Variants in CKLF observed in about 807,000 individuals in gnomAD.
The protein encoded by CKLF is chemokine like factor, also known as chemokine-like factor.
Under a neutral mutation model 12.9 loss-of-function variants are expected in CKLF, and 16 were observed. That is an observed-to-expected ratio of 1.24 (90% CI 0.84 to 1.88). The LOEUF is 1.88. Ranked by LOEUF, CKLF falls within the 40% of genes most tolerant of loss-of-function variation. CKLF has a pLI of 0.00. For synonymous variants in CKLF, 61 were observed against 69.0 expected (o/e 0.88, Z 0.57); for missense variants, 172 against 188.5 (o/e 0.91, Z 0.51).
chr16:66,563,332 CCA>C, intron 3 of CKLF, 115 bp downstream of exon 3: 1 of 1,237,852 alleles, frequency 8.1e-7, no homozygotes, highest in Non-Finnish European at 1.1e-6. Context: ...GATTCCTAGG[CCA>C]ATATACAATG....
At position 66,552,810 on chromosome 16, in the gene CKLF, G is replaced by C. The variant is rs2144510550; in HGVS notation, c.78+17G>C. 1 of 1,613,862 alleles carries C rather than the reference G, an allele frequency of 6.2e-7. No individual in the cohort carries two copies. The highest frequency in any genetic ancestry group is 1.1e-5 in the South Asian group (1 of 91,074). Reference sequence around the variant, plus strand: ...CTGCGGCTGGTGAGGCCGGGCCGCGGAGGGCGGGAGGCTGATGAAGCTGCT... The same window carrying C: ...CTGCGGCTGGTGAGGCCGGGCCGCGCAGGGCGGGAGGCTGATGAAGCTGCT... On this transcript the variant is annotated intron_variant, in intron 1 of 3. Transcript: ENST00000264001.
At chr16:66,563,099 T>G in intron 2 of CKLF, 23 bp from the exon 3 acceptor site, 1 of 1,613,256 alleles carries the variant, frequency 6.2e-7, no homozygotes. Context: ...CATGTAAGGC[T>G]CAGCTTTATT....
chr16:66,561,549 C>G (rs1045169218), intron 2 of CKLF, among the ~76,000 whole-genome samples: 5 of 152,122 alleles, frequency 3.3e-5, no homozygotes, highest in African/African-American at 7.2e-5. Flanking sequence ...TCTATAAACC[C>G]TTGCCCAGAT....
intron 1 of CKLF, 54 bp from the exon 2 acceptor site, chr16:66,558,136 G>A (rs2011519070): frequency 6.3e-7 from 1 of 1,589,578 alleles, no homozygotes; most frequent in African/African-American, 1.4e-5. Flanking sequence ...CATTTTTACA[G>A]TTTAAATTTG....
Position 66,564,670 on chromosome 16 carries a change from C to A in CKLF, c.334-1216C>A, listed in dbSNP as rs1331734508. On this transcript the variant is annotated intron_variant, in intron 3 of 3. Transcript: ENST00000264001. The stretch of plus-strand genomic sequence containing the variant: ...TATTTTTAGTAGAGACGGAGTTTCA[C>A]CGTGTTAACAAGGATGGTCTCGATC... Among the ~76,000 whole-genome samples, 3 of 152,124 alleles carry A rather than the reference C, an allele frequency of 2.0e-5. No individual in the cohort carries two copies. The South Asian group carries it at 6.2e-4, about 32-fold the overall frequency.
chr16:66,556,084 A>G (rs2011440351), intron 1 of CKLF, among the ~76,000 whole-genome samples: 1 of 152,182 alleles, frequency 6.6e-6, no homozygotes, highest in Non-Finnish European at 1.5e-5. Context: ...CCTGGGTTAG[A>G]GACCCAGACT....
At chr16:66,560,626 T>G (rs2011640339) in intron 2 of CKLF, among the ~76,000 whole-genome samples, 1 of 151,980 alleles carries the variant, frequency 6.6e-6, no homozygotes, top group Admixed American at 6.6e-5. Context: ...CTGGCCACAA[T>G]AGCTCAGAGA....
chr16:66,558,853 C>T (rs899731828), intron 2 of CKLF, among the ~76,000 whole-genome samples: 3 of 152,160 alleles, frequency 2.0e-5, no homozygotes, highest in African/African-American at 7.2e-5. Context: ...ATAATGTTGG[C>T]ACCTCTTATA....
chr16:66,560,927 G>T (rs907586950), intron 2 of CKLF, among the ~76,000 whole-genome samples: 1 of 152,052 alleles, frequency 6.6e-6, no homozygotes, highest in Admixed American at 6.5e-5. Context: ...GACTGAGCAG[G>T]CAAGGAAAGA....
intron 3 of CKLF, among the ~76,000 whole-genome samples, 181 bp downstream of exon 3, chr16:66,563,398 A>T (rs2011888825): frequency 6.6e-6 from 1 of 152,174 alleles, no homozygotes; most frequent in South Asian, 2.1e-4. Flanking sequence ...AACATGAAGG[A>T]GTATGATTTT....
intron 2 of CKLF, among the ~76,000 whole-genome samples, chr16:66,558,688 C>G (rs959699534): frequency 6.6e-6 from 1 of 152,140 alleles, no homozygotes; most frequent in African/African-American, 2.4e-5. Context: ...TATTTGGATG[C>G]ATGTTAATAT....
chr16:66,562,149 A>G (rs1486045279), intron 2 of CKLF, among the ~76,000 whole-genome samples: 4 of 151,872 alleles, frequency 2.6e-5, no homozygotes, highest in African/African-American at 9.7e-5. Context: ...CAGTGGTGCA[A>G]TCTTGGCTCA....
chr16:66,555,170 G>A (rs542849331), intron 1 of CKLF, among the ~76,000 whole-genome samples: 1 of 152,336 alleles, frequency 6.6e-6, no homozygotes, highest in Non-Finnish European at 1.5e-5. Context: ...CGGAGAGACA[G>A]AGGTTGAGGT....
At chr16:66,564,362 A>T (rs1189217593) in intron 3 of CKLF, among the ~76,000 whole-genome samples, 1 of 152,198 alleles carries the variant, frequency 6.6e-6, no homozygotes, top group African/African-American at 2.4e-5. Flanking sequence ...ATTACCCCCA[A>T]CAAGGAATGT....
chr16:66,556,201 G>A (rs560629156), intron 1 of CKLF, among the ~76,000 whole-genome samples: 15 of 151,728 alleles, frequency 9.9e-5, no homozygotes, highest in East Asian at 3.9e-4. Context: ...GAACTGACAC[G>A]GGAGCCAAAA....
intron 2 of CKLF, among the ~76,000 whole-genome samples, chr16:66,562,488 A>G (rs1175558601): frequency 2.0e-5 from 3 of 152,140 alleles, no homozygotes; most frequent in African/African-American, 7.2e-5. Flanking sequence ...TACATCATCT[A>G]CTTTATTTCC....
chr16:66,552,604 G>C lies in CKLF; in HGVS notation c.-112G>C. On this transcript the variant is annotated 5_prime_UTR_variant, in exon 1 of 4. Transcript: ENST00000264001. ...GGGAAGCCGAGCTGGGCGAGAAGTAGGGGAGGGCGGTGCTCCGCCGCGGTG... is the reference window on the plus strand; with the variant it reads ...GGGAAGCCGAGCTGGGCGAGAAGTACGGGAGGGCGGTGCTCCGCCGCGGTG... The C allele has an allele frequency of 4.6e-6, 7 of 1,538,418 alleles. No homozygotes were observed. In the South Asian group the frequency reaches 6.9e-5, roughly 15 times the overall value.
intron 3 of CKLF, 89 bp downstream of exon 3, chr16:66,563,306 C>T (rs2011881278): frequency 1.4e-6 from 2 of 1,465,266 alleles, no homozygotes; most frequent in Non-Finnish European, 1.9e-6. Context: ...GAAAGCTATA[C>T]TATATTCATC....
At chr16:66,552,992 T>C (rs549001865) in intron 1 of CKLF, among the ~76,000 whole-genome samples, 199 bp downstream of exon 1, 1 of 152,124 alleles carries the variant, frequency 6.6e-6, no homozygotes, top group East Asian at 1.9e-4. Flanking sequence ...AGGGACACAC[T>C]CATTCATGAA....
Sources: gnomAD v4.1 joint callset for allele counts (sites outside exome capture counted in the v4.1 genomes callset) on GRCh38, gnomAD v4.1.1 for gene constraint, MANE v1.5 for transcripts, NCBI Gene and HGNC (gene_info 2026-07-23, HGNC 2026-07-21) for gene names.